ATP8A1: variants seen among roughly 807,000 people sequenced by gnomAD.
The protein encoded by ATP8A1 is ATPase phospholipid transporting 8A1.
A neutral mutation model predicts 177.7 loss-of-function variants in ATP8A1; 90 were observed. The ratio of observed to expected loss-of-function variants is 0.51; its 90% CI spans 0.43 to 0.60. The LOEUF (loss-of-function observed/expected upper bound fraction) is 0.60, where lower values mean the gene tolerates loss of function less well. ATP8A1 is among the 20% of genes least tolerant of loss of function. ATP8A1 has a pLI of 0.00. For missense variants in ATP8A1, 1,072 were observed against 1,392.8 expected (o/e 0.77, Z 3.67); for synonymous variants, 493 against 485.9 (o/e 1.01, Z -0.19).
In ATP8A1 at chr4:42,455,297, C is replaced by G; in HGVS notation, c.2817G>C (p.Lys939Asn). The G allele has an allele frequency of 6.2e-7, 1 of 1,613,598 alleles. No individual in the cohort carries two copies. Among genetic ancestry groups the G allele is most frequent in the Non-Finnish European group, 8.5e-7 (1 of 1,179,632 alleles). Residue 939 changes from lysine to asparagine, a missense_variant and splice_region_variant, in exon 29 of 37, where the codon AAG becomes AAC. This residue lies in a region of ATP8A1 where 316 missense variants were observed against 459.1 expected (regional missense o/e 0.69). Transcript: ENST00000381668. ...TCCCAGCCAGGGCACTGTGTCCTAC[C>G]TTGGTGTTGAAGTCCAGGGCATTCT... is the stretch of plus-strand genomic sequence containing the variant. ...TSQNALDFNT[K>N]VFWVHCLNGL...
chr4:42,622,827 T>C lies in ATP8A1; in HGVS notation c.363+1709A>G, dbSNP rs563830423. ...GAGTTCGAGACCAGCCTGACCAACATGAAGAAACCCTGTCAGTACTAATAA... is the reference window on the plus strand; with the variant it reads ...GAGTTCGAGACCAGCCTGACCAACACGAAGAAACCCTGTCAGTACTAATAA... On this transcript the variant is annotated intron_variant, in intron 4 of 36. Transcript: ENST00000381668. Among the ~76,000 whole-genome samples the C allele has an allele frequency of 7.2e-5, 11 of 151,944 alleles. No individual in the cohort carries two copies. The East Asian group carries it at 9.7e-4, about 13-fold the overall frequency.
At chr4:42,569,470 A>G (rs573105962) in intron 14 of ATP8A1, among the ~76,000 whole-genome samples, 3 of 152,206 alleles carry the variant, frequency 2.0e-5, no homozygotes, top group African/African-American at 4.8e-5. Context: ...TTTTATTCAC[A>G]AAGTTCATAA....
intron 20 of ATP8A1, among the ~76,000 whole-genome samples, chr4:42,537,486 T>C: frequency 6.6e-6 from 1 of 152,142 alleles, no homozygotes; most frequent in East Asian, 1.9e-4. Flanking sequence ...TGTCGCTGTT[T>C]GCTGATGACA....
chr4:42,601,235 C>T (rs546915069), intron 5 of ATP8A1, among the ~76,000 whole-genome samples: 17 of 151,950 alleles, frequency 1.1e-4, no homozygotes, highest in African/African-American at 3.9e-4. Flanking sequence ...AGCATTTCAT[C>T]ATGTTGGCCA....
intron 1 of ATP8A1, among the ~76,000 whole-genome samples, chr4:42,639,531 AG>A (rs1739741231): frequency 1.3e-5 from 2 of 152,250 alleles, no homozygotes; most frequent in Non-Finnish European, 2.9e-5. Context: ...ATTAGTTCGA[AG>A]AACTAAACCA....
chr4:42,567,740 A>T (rs1249268880), intron 15 of ATP8A1, among the ~76,000 whole-genome samples: 3 of 152,230 alleles, frequency 2.0e-5, no homozygotes, highest in Admixed American at 6.5e-5. Flanking sequence ...AGAACTTACT[A>T]AACTAGATAA....
chr4:42,555,544 G>A (rs1730125636), intron 16 of ATP8A1, among the ~76,000 whole-genome samples: 1 of 152,128 alleles, frequency 6.6e-6, no homozygotes, highest in Admixed American at 6.5e-5. Context: ...TGATAATGAG[G>A]CCAGGCACGG....
intron 20 of ATP8A1, among the ~76,000 whole-genome samples, chr4:42,534,735 A>G (rs1406440362): frequency 1.3e-5 from 2 of 152,182 alleles, no homozygotes; most frequent in Non-Finnish European, 2.9e-5. Flanking sequence ...CAAGATGAAG[A>G]AAAAAATCTT....
rs1225333906 is a variant in ATP8A1, at chr4:42,600,474, A to G, written c.450+4T>C. 2 of 1,610,320 alleles carry G rather than the reference A, an allele frequency of 1.2e-6. No individual in the cohort carries two copies. The highest frequency in any genetic ancestry group is 2.2e-5 in the South Asian group (2 of 90,348). On this transcript the variant is annotated splice_donor_region_variant and intron_variant, in intron 6 of 36. Transcript: ENST00000381668. ...CCTGGAACAAAATAAAAATCAGTGCATACCTTTTCCCAGTGGACAATTTCC... is the reference window on the plus strand; with the variant it reads ...CCTGGAACAAAATAAAAATCAGTGCGTACCTTTTCCCAGTGGACAATTTCC...
At chr4:42,548,339 T>G (rs548774364) in intron 19 of ATP8A1, among the ~76,000 whole-genome samples, 159 of 152,306 alleles carry the variant, frequency 1.0e-3, no homozygotes, top group African/African-American at 3.6e-3. Flanking sequence ...TCACCAGCCA[T>G]AAGACGCATG....
At chr4:42,423,752 A>C in intron 33 of ATP8A1, 47 bp from the exon 34 acceptor site, 1 of 1,247,150 alleles carries the variant, frequency 8.0e-7, no homozygotes, top group Non-Finnish European at 1.2e-6. Context: ...CAAAAAATAC[A>C]TGATTTGTGT....
chr4:42,500,658 C>G (rs905077514), intron 24 of ATP8A1, among the ~76,000 whole-genome samples: 2 of 152,040 alleles, frequency 1.3e-5, no homozygotes, highest in Non-Finnish European at 2.9e-5. Flanking sequence ...GGTGAGAACA[C>G]CTGGCTTTGC....
At chr4:42,615,649 C>G (rs539246174) in intron 5 of ATP8A1, among the ~76,000 whole-genome samples, 25 of 152,280 alleles carry the variant, frequency 1.6e-4, no homozygotes, top group South Asian at 1.0e-3. Flanking sequence ...TTCCAAAATG[C>G]TTTTCACTCA....
chr4:42,598,305 C>A (rs1015284906), intron 6 of ATP8A1, among the ~76,000 whole-genome samples: 1 of 151,990 alleles, frequency 6.6e-6, no homozygotes, highest in Non-Finnish European at 1.5e-5. Context: ...ATAATTTTTG[C>A]CTCCTTTTTC....
At chr4:42,656,145 A>C (rs1413003858) in intron 1 of ATP8A1, among the ~76,000 whole-genome samples, 1 of 152,200 alleles carries the variant, frequency 6.6e-6, no homozygotes, top group Non-Finnish European at 1.5e-5. Context: ...CAGTGTTGAC[A>C]ACCATGGCCA....
intron 20 of ATP8A1, among the ~76,000 whole-genome samples, chr4:42,528,892 C>A (rs1168938508): frequency 6.6e-6 from 1 of 152,154 alleles, no homozygotes; most frequent in East Asian, 1.9e-4. Context: ...ATTAAGGGAC[C>A]TTCTACCCCA....
intron 23 of ATP8A1, among the ~76,000 whole-genome samples, chr4:42,504,344 G>A (rs1284025792): frequency 6.6e-6 from 1 of 152,218 alleles, no homozygotes; most frequent in Admixed American, 6.5e-5. Flanking sequence ...CAAAAACCAG[G>A]CTCCTGACCA....
At chr4:42,533,372 G>C (rs1426681924) in intron 20 of ATP8A1, among the ~76,000 whole-genome samples, 2 of 152,096 alleles carry the variant, frequency 1.3e-5, no homozygotes, top group Non-Finnish European at 2.9e-5. Flanking sequence ...AAGTCCTGTG[G>C]CTGCCAGCTT....
At position 42,522,258 on chromosome 4, in the gene ATP8A1, T is replaced by A. The variant is rs780804324; in HGVS notation, c.1849A>T (p.Ser617Cys). The A allele has an allele frequency of 1.2e-6, 2 of 1,613,792 alleles. No homozygotes were observed. The highest frequency in any genetic ancestry group is 1.7e-6 in the Non-Finnish European group (2 of 1,179,898). The change falls in exon 22 of 37, where the codon AGC becomes TGC. Residue 617 changes from serine (S) to cysteine (C), a missense_variant. By Grantham distance (112) the Ser-to-Cys change is moderately radical. Around this residue, in one of 5 missense-constraint regions of ATP8A1, gnomAD observed 388 missense variants for 471.7 expected, o/e 0.82. Transcript: ENST00000381668. ...LCFAVAEISESDFQEWRAVYQ... is the reference protein window; with the variant it reads ...LCFAVAEISECDFQEWRAVYQ... ...ACTGCTCGCCACTCCTGAAAGTCGC[T>A]CTCTGAAATCTCAGCCACAGCAAAA...
Sources: allele counts gnomAD v4.1 joint callset (sites outside exome capture counted in the v4.1 genomes callset), GRCh38; gene constraint gnomAD v4.1.1; regional missense constraint gnomAD v4.1.1; transcripts MANE v1.5; gene names NCBI Gene and HGNC (gene_info 2026-07-23, HGNC 2026-07-21).